Variants in UBQLN4 observed in about 807,000 individuals in gnomAD.
UBQLN4 encodes the protein ubiquilin 4, also known as ubiquilin-4.
Under a neutral mutation model 60.4 loss-of-function variants are expected in UBQLN4, and 11 were observed. The observed-to-expected ratio is 0.18, with a 90% CI of 0.11 to 0.30. The LOEUF is 0.30. Among genes scored for constraint, UBQLN4 ranks in the 10% least tolerant of loss-of-function variants. UBQLN4 has a pLI of 1.00. For synonymous variants in UBQLN4, 258 were observed against 313.1 expected (o/e 0.82, Z 1.86); for missense variants, 417 against 795.5 (o/e 0.52, Z 5.72).
At chr1:156,035,170 T>C (rs1373761878), downstream of UBQLN4, 5 of 847,938 alleles carry the variant, frequency 5.9e-6, no homozygotes, top group East Asian at 4.9e-4. Flanking sequence ...TCAGCCACTT[T>C]TAATATTTCT....
At position 156,040,420 on chromosome 1, in the gene UBQLN4, GCTT is replaced by G. The variant is rs1683531232; in HGVS notation, c.1653+1062_1653+1064del. Among the ~76,000 whole-genome samples the G allele has an allele frequency of 3.4e-5, 5 of 146,096 alleles. No homozygotes were observed. In the South Asian group the frequency reaches 1.1e-3, roughly 31 times the overall value. Reference sequence around the variant, plus strand: ...AAAGCCCTTTCCAGTGCTCCTTGTTGCTTCTTATCACAGTCCACACATTTTTTT... The same window carrying G: ...AAAGCCCTTTCCAGTGCTCCTTGTTGCTTATCACAGTCCACACATTTTTTT... On this transcript the variant is annotated intron_variant, in intron 10 of 10. Transcript: ENST00000368309.
At chr1:156,037,239 T>C in intron 10 of UBQLN4, 109 bp from the exon 11 acceptor site, 1 of 1,386,904 alleles carries the variant, frequency 7.2e-7, no homozygotes, top group Non-Finnish European at 9.8e-7. Context: ...TCAGAGTCAA[T>C]CAGGAGGGCA....
chr1:156,040,191 C>G (rs958326877), intron 10 of UBQLN4, among the ~76,000 whole-genome samples: 5 of 151,452 alleles, frequency 3.3e-5, no homozygotes, highest in African/African-American at 4.8e-5. Flanking sequence ...GTCAGGAGTT[C>G]GAGACCAGCC....
At position 156,041,469 on chromosome 1, in the gene UBQLN4, C is replaced by T. The variant is rs774787959; in HGVS notation, c.1653+16G>A. 6.5e-7 allele frequency: 1 copy of T among 1,549,600 alleles called. No individual in the cohort carries two copies. Among genetic ancestry groups the T allele is most frequent in the Admixed American group, 1.9e-5 (1 of 52,622 alleles). ...AAAGTGGTGCTCCCAGCACCTGCCCCCACTGCCTCATGTACCTGTGAGTTT... is the reference window on the plus strand; with the variant it reads ...AAAGTGGTGCTCCCAGCACCTGCCCTCACTGCCTCATGTACCTGTGAGTTT... On this transcript the variant is annotated intron_variant, in intron 10 of 10. Coordinates refer to ENST00000368309, the MANE Select transcript of UBQLN4 (RefSeq NM_020131.5).
downstream of UBQLN4, among the ~76,000 whole-genome samples, chr1:156,034,172 T>C (rs1683342575): frequency 6.6e-6 from 1 of 151,674 alleles, no homozygotes; most frequent in Admixed American, 6.6e-5. Context: ...TAAAACCCCA[T>C]AGGTGTGAAA....
At chr1:156,037,324 G>C (rs941730729) in intron 10 of UBQLN4, among the ~76,000 whole-genome samples, 194 bp from the exon 11 acceptor site, 4 of 152,172 alleles carry the variant, frequency 2.6e-5, no homozygotes, top group African/African-American at 9.7e-5. Context: ...GGCCGGGTAC[G>C]GTGGCTCACG....
At chr1:156,045,298 C>T (rs1208582195) in intron 5 of UBQLN4, among the ~76,000 whole-genome samples, 1 of 152,342 alleles carries the variant, frequency 6.6e-6, no homozygotes, top group South Asian at 2.1e-4. Context: ...GTTCAGATAA[C>T]AGAGCTCACA....
Position 156,048,042 on chromosome 1 carries a change from A to T in UBQLN4, c.900+459T>A, listed in dbSNP as rs1558089492. 6.6e-6 allele frequency among the ~76,000 whole-genome samples: 1 copy of T among 152,194 alleles called. No homozygotes were observed. The highest frequency in any genetic ancestry group is 1.5e-5 in the Non-Finnish European group (1 of 68,032). On this transcript the variant is annotated intron_variant, in intron 5 of 10. Coordinates refer to ENST00000368309, the MANE Select transcript of UBQLN4 (RefSeq NM_020131.5). The surrounding 1 kb of genome is among the most constrained non-coding windows in gnomAD (Gnocchi z 4.9). Reference sequence around the variant, plus strand: ...TGTGTGTACTTGAATAGGATTCATAAAGCATTTTTAAAAGTGTATAATCCT... The same window carrying T: ...TGTGTGTACTTGAATAGGATTCATATAGCATTTTTAAAAGTGTATAATCCT...
Position 156,048,703 on chromosome 1 carries a change from G to A in UBQLN4, c.742-44C>T, listed in dbSNP as rs375848545. ...CAAAATGGGCCCCGGAACCAGGGGA[G>A]CACCAACCTAGGAAAAGGGTGGGCC... On this transcript the variant is annotated intron_variant, in intron 4 of 10. Coordinates refer to ENST00000368309, the MANE Select transcript of UBQLN4 (RefSeq NM_020131.5). This position sits in a 1 kb window ranked among gnomAD's most constrained non-coding sequence, Gnocchi z 4.9. 90 of 1,594,276 alleles carry A rather than the reference G, an allele frequency of 5.6e-5. No individual in the cohort carries two copies. In the African/African-American group the frequency reaches 7.2e-4, roughly 13 times the overall value.
intron 10 of UBQLN4, among the ~76,000 whole-genome samples, chr1:156,039,790 A>C (rs1277118462): frequency 1.3e-5 from 2 of 151,366 alleles, no homozygotes; most frequent in Non-Finnish European, 2.9e-5. Context: ...ACAAAAAATT[A>C]GCCGGGCGTG....
In UBQLN4 at chr1:156,048,786, T is replaced by A; in HGVS notation, c.742-127A>T. The A allele has an allele frequency of 9.7e-7, 1 of 1,027,552 alleles. No homozygotes were observed. The highest frequency in any genetic ancestry group is 1.4e-6 in the Non-Finnish European group (1 of 712,214). The allele number at this position is 1,027,552 out of a possible 1,614,324, so 63.7% of individuals were successfully genotyped here. A position where few individuals can be genotyped will look rare whatever the true frequency, so the allele number is the denominator to read the frequency against. Reference sequence around the variant, plus strand: ...CCAGGGCCCAGGAACTGCCCCACAGTGACAGGGAGTAGAGTAAACTGGACT... The same window carrying A: ...CCAGGGCCCAGGAACTGCCCCACAGAGACAGGGAGTAGAGTAAACTGGACT... On this transcript the variant is annotated intron_variant, in intron 4 of 10. Transcript: ENST00000368309. This position sits in a 1 kb window ranked among gnomAD's most constrained non-coding sequence, Gnocchi z 4.9.
At chr1:156,034,838 TATATA>T (rs1683358275), downstream of UBQLN4, among the ~76,000 whole-genome samples, 1 of 41,614 alleles carries the variant, frequency 2.4e-5, no homozygotes, top group African/African-American at 7.9e-5. Context: ...TATATATATA[TATATA>T]TATATATATA....
At chr1:156,047,538 T>C (rs1019094658) in intron 5 of UBQLN4, among the ~76,000 whole-genome samples, 2 of 151,634 alleles carry the variant, frequency 1.3e-5, no homozygotes, top group Non-Finnish European at 2.9e-5. Context: ...CCACTGCGCC[T>C]GGCCAACTTT....
intron 10 of UBQLN4, among the ~76,000 whole-genome samples, chr1:156,041,248 T>C (rs1013152693): frequency 2.0e-5 from 3 of 152,196 alleles, no homozygotes; most frequent in Non-Finnish European, 4.4e-5. Context: ...AGCTCCAAAA[T>C]CTAAAGCATT....
At position 156,042,695 on chromosome 1, in the gene UBQLN4, G is replaced by C. The variant is rs934639901; in HGVS notation, c.1266+79C>G. On this transcript the variant is annotated intron_variant, in intron 7 of 10. Transcript: ENST00000368309. Reference sequence around the variant, plus strand: ...CAAACCCAGGCAGTCTGGCTCCACAGTGTTTTGACCACAAGAAACTGCCCC... The same window carrying C: ...CAAACCCAGGCAGTCTGGCTCCACACTGTTTTGACCACAAGAAACTGCCCC... The C allele has an allele frequency of 3.8e-6, 6 of 1,562,210 alleles. No homozygotes were observed. The African/African-American group carries it at 8.2e-5, about 21-fold the overall frequency.
intron 7 of UBQLN4, 173 bp downstream of exon 7, chr1:156,042,601 G>A (rs759604170): frequency 3.2e-5 from 36 of 1,136,552 alleles, no homozygotes; most frequent in Non-Finnish European, 4.2e-5. Flanking sequence ...TCATCTTACA[G>A]ATAAAGAAAC....
chr1:156,042,810 C>A lies in UBQLN4; in HGVS notation c.1230G>T (p.Met410Ile), dbSNP rs549129522. 1 of 1,614,194 alleles carries A rather than the reference C, an allele frequency of 6.2e-7. No homozygotes were observed. The highest frequency in any genetic ancestry group is 1.7e-5 in the Admixed American group (1 of 60,020). Residue 410 changes from methionine (M) to isoleucine (I), a missense_variant, in exon 7 of 11, where the codon ATG (methionine) becomes ATT (isoleucine). Met to Ile is a conservative substitution (Grantham distance 10). Coordinates refer to ENST00000368309, the MANE Select transcript of UBQLN4 (RefSeq NM_020131.5). ...AGTCGGGGTTCTGGGCAAGCGTCTG[C>A]ATCATGCTGCGCATGTAGGGTGCTG... ...VISAPYMRSM[M>I]QTLAQNPDFA...
At chr1:156,053,458 T>A in intron 1 of UBQLN4, 136 bp downstream of exon 1, 3 of 492,592 alleles carry the variant, frequency 6.1e-6, no homozygotes, top group Admixed American at 5.5e-5. Context: ...TCTCCTTGCC[T>A]TCAGCTCCTC....
intron 5 of UBQLN4, among the ~76,000 whole-genome samples, chr1:156,045,101 C>T (rs1683663873): frequency 6.6e-6 from 1 of 152,184 alleles, no homozygotes; most frequent in African/African-American, 2.4e-5. Context: ...CCTACTCAGC[C>T]TTTCTTGTGG....
Sources: allele counts gnomAD v4.1 joint callset (sites outside exome capture counted in the v4.1 genomes callset), GRCh38; gene constraint gnomAD v4.1.1; non-coding constraint Gnocchi (gnomAD v3.1); transcripts MANE v1.5; gene names NCBI Gene and HGNC (gene_info 2026-07-23, HGNC 2026-07-21).